Variants in PLCH1 observed in about 807,000 individuals in gnomAD.
PLCH1 encodes the protein 1-phosphatidylinositol 4,5-bisphosphate phosphodiesterase eta-1.
In PLCH1, 60 loss-of-function variants were observed where a neutral mutation model predicts 126.7. That is an observed-to-expected ratio of 0.47 (90% CI 0.38 to 0.59). The LOEUF (loss-of-function observed/expected upper bound fraction) is 0.59, where lower values mean the gene tolerates loss of function less well. Among genes scored for constraint, PLCH1 ranks in the 20% least tolerant of loss-of-function variants. PLCH1 has a pLI of 0.00. For missense variants in PLCH1, 1,723 were observed against 2,040.0 expected (o/e 0.84, Z 2.99); for synonymous variants, 719 against 734.9 (o/e 0.98, Z 0.35).
chr3:155,699,512 T>G (rs1407812342), intron 2 of PLCH1, among the ~76,000 whole-genome samples: 1 of 152,156 alleles, frequency 6.6e-6, no homozygotes, highest in African/African-American at 2.4e-5. Context: ...AGGCTTTGAT[T>G]CAGTAAAGAA....
intron 2 of PLCH1, among the ~76,000 whole-genome samples, chr3:155,663,761 T>C (rs1742436515): frequency 6.6e-6 from 1 of 152,184 alleles, no homozygotes; most frequent in African/African-American, 2.4e-5. Context: ...CTCCAACATT[T>C]AGCTTAATAT....
At chr3:155,695,431 A>G (rs1038344092) in intron 2 of PLCH1, among the ~76,000 whole-genome samples, 1 of 152,238 alleles carries the variant, frequency 6.6e-6, no homozygotes, top group African/African-American at 2.4e-5. Flanking sequence ...TTACAGTCAG[A>G]GAACTGATGC....
At chr3:155,505,239 G>A (rs1038504060) in intron 12 of PLCH1, among the ~76,000 whole-genome samples, 1 of 152,150 alleles carries the variant, frequency 6.6e-6, no homozygotes, top group Non-Finnish European at 1.5e-5. Context: ...CTGGAAAGAG[G>A]TATTGTAGCC....
In PLCH1 at chr3:155,596,303, C is replaced by T. The variant is rs780375527; in HGVS notation, c.155G>A (p.Arg52His). 3.7e-6 allele frequency: 6 copies of T among 1,612,710 alleles called. No homozygotes were observed. Among genetic ancestry groups the T allele is most frequent in the Admixed American group, 3.3e-5 (2 of 59,984 alleles). ...CCGGTGCTCATCCAGGTAAAAGAGG[C>T]GGACAAGCCCTTTGGTTCCACGTTT... ...KLKRGTKGLV[R>H]LFYLDEHRTR... Residue 52 changes from arginine (R) to histidine (H), a missense_variant, in exon 3 of 23, where the codon CGC (arginine) becomes CAC (histidine). Coordinates refer to ENST00000460012, the MANE Select transcript of PLCH1 (RefSeq NM_014996.4).
chr3:155,711,531 C>G (rs1237011840), intron 1 of PLCH1, among the ~76,000 whole-genome samples: 1 of 152,096 alleles, frequency 6.6e-6, no homozygotes, highest in Non-Finnish European at 1.5e-5. Flanking sequence ...ACACCCACAC[C>G]CACTTACTAG....
intron 4 of PLCH1, among the ~76,000 whole-genome samples, chr3:155,587,205 A>C (rs1731488637): frequency 6.6e-6 from 1 of 152,214 alleles, no homozygotes; most frequent in African/African-American, 2.4e-5. Flanking sequence ...TTTCTGTTTA[A>C]GAATCTCTTT....
chr3:155,520,455 G>A (rs1004479110), intron 11 of PLCH1, among the ~76,000 whole-genome samples: 1 of 152,182 alleles, frequency 6.6e-6, no homozygotes, highest in African/African-American at 2.4e-5. Flanking sequence ...GGAAGGCTTG[G>A]TGTTTATGGG....
intron 8 of PLCH1, among the ~76,000 whole-genome samples, chr3:155,556,121 A>G (rs570270366): frequency 6.6e-6 from 1 of 152,198 alleles, no homozygotes; most frequent in South Asian, 2.1e-4. Context: ...GCATAATGGA[A>G]TGCTGATTGA....
At chr3:155,529,108 G>A (rs905258159) in intron 10 of PLCH1, among the ~76,000 whole-genome samples, 1 of 152,206 alleles carries the variant, frequency 6.6e-6, no homozygotes, top group African/African-American at 2.4e-5. Flanking sequence ...GTCCAATGTT[G>A]ATGTAAATGA....
chr3:155,602,075 C>T (rs1032966080), intron 2 of PLCH1, among the ~76,000 whole-genome samples: 2 of 152,006 alleles, frequency 1.3e-5, no homozygotes, highest in African/African-American at 2.4e-5. Flanking sequence ...ACTGGCACTT[C>T]GGGTAAAAAT....
At chr3:155,617,225 T>C (rs1577152516) in intron 2 of PLCH1, among the ~76,000 whole-genome samples, 1 of 152,270 alleles carries the variant, frequency 6.6e-6, no homozygotes, top group South Asian at 2.1e-4. Context: ...TCCTGTTTGA[T>C]CCTTTTCAGA....
At chr3:155,460,156 C>G (rs958224023) in intron 21 of PLCH1, among the ~76,000 whole-genome samples, 1 of 152,144 alleles carries the variant, frequency 6.6e-6, no homozygotes, top group Admixed American at 6.5e-5. Context: ...GTATAATGGA[C>G]AGTTGCAATT....
chr3:155,544,435 T>C (rs568988148), intron 10 of PLCH1, among the ~76,000 whole-genome samples: 314 of 152,254 alleles, frequency 2.1e-3, no homozygotes, highest in African/African-American at 7.0e-3. Flanking sequence ...CACATTAACA[T>C]TGGGAGACTT....
intron 21 of PLCH1, among the ~76,000 whole-genome samples, chr3:155,486,510 TTTG>T (rs1715137857): frequency 7.2e-6 from 1 of 138,176 alleles, no homozygotes; most frequent in African/African-American, 2.9e-5. Context: ...CTGGCTCAAG[TTTG>T]TTTTTTTTTT....
intron 1 of PLCH1, among the ~76,000 whole-genome samples, chr3:155,741,684 C>CTTTTATTTTTTTTTATTTTTATTTTTT: frequency 1.9e-5 from 2 of 102,870 alleles, no homozygotes; most frequent in Non-Finnish European, 3.5e-5. Flanking sequence ...TTTATATCCT[C>CTTTTATTTTTTTTTATTTTTATTTTTT]TTTTTTTTTT....
At chr3:155,621,564 C>T (rs540206658) in intron 2 of PLCH1, among the ~76,000 whole-genome samples, 4 of 152,104 alleles carry the variant, frequency 2.6e-5, no homozygotes, top group African/African-American at 9.7e-5. Flanking sequence ...AAGAAGAACA[C>T]AAATTACCTG....
In PLCH1 at chr3:155,636,576, G is replaced by A. The variant is rs139622820; in HGVS notation, c.80-40198C>T. 4.2e-3 allele frequency among the ~76,000 whole-genome samples: 637 copies of A among 151,858 alleles called. 5 individuals carry two copies. Among genetic ancestry groups the A allele is most frequent in the Middle Eastern group, 0.017 (5 of 294 alleles). ...CAGCTGGCTAACATGGAGAAACCCC[G>A]TTTCTACTAAAAATACAAAAAAATA... On this transcript the variant is annotated intron_variant, in intron 2 of 22. Coordinates refer to ENST00000460012, the MANE Select transcript of PLCH1 (RefSeq NM_014996.4).
chr3:155,676,620 T>G (rs996012347), intron 2 of PLCH1, among the ~76,000 whole-genome samples: 4 of 151,946 alleles, frequency 2.6e-5, no homozygotes, highest in African/African-American at 9.7e-5. Context: ...GCAAACACAA[T>G]CCATTAAGAA....
rs536117364 is a variant in PLCH1 at position 155,729,792 on chromosome 3, G to A, written c.-41+15048C>T. On this transcript the variant is annotated intron_variant, in intron 1 of 22. Transcript: ENST00000460012. ...AATTCAAATGTTATCTGGGCAAGGT[G>A]GTGCACACCTTGTAGTTCCAGCTAC... Among the ~76,000 whole-genome samples the A allele has an allele frequency of 1.4e-4, 22 of 151,998 alleles. No homozygotes were observed. The South Asian group carries it at 4.6e-3, about 32-fold the overall frequency.
Sources: allele counts gnomAD v4.1 joint callset (sites outside exome capture counted in the v4.1 genomes callset), GRCh38; gene constraint gnomAD v4.1.1; transcripts MANE v1.5; gene names NCBI Gene and HGNC (gene_info 2026-07-23, HGNC 2026-07-21).